The following PMPCB variants were observed in gnomAD, a reference collection of about 807,000 sequenced individuals.
PMPCB encodes the protein peptidase, mitochondrial processing subunit beta.
In PMPCB, 46 loss-of-function variants were observed where a neutral mutation model predicts 61.5. That is an observed-to-expected ratio of 0.75 (90% confidence interval 0.59 to 0.96). PMPCB has a LOEUF of 0.96. Ranked by LOEUF, PMPCB falls within the 40% of genes least tolerant of loss-of-function variation. The pLI is 0.00. For missense variants in PMPCB, 590 were observed against 602.4 expected, an observed-to-expected ratio of 0.98 and a Z score of 0.22; for synonymous variants, 191 against 201.6, an observed-to-expected ratio of 0.95 and a Z score of 0.44.
chr7:103,306,797 C>A (rs1817605127), intron 6 of PMPCB, among the ~76,000 whole-genome samples: 1 of 152,004 alleles, frequency 6.6e-6, no homozygotes, highest in Non-Finnish European at 1.5e-5. Context: ...GCTCTGTCAC[C>A]CAAGTTGGAG....
intron 1 of PMPCB, chr7:103,297,923 T>G: frequency 7.8e-7 from 1 of 1,275,866 alleles, no homozygotes; most frequent in Non-Finnish European, 1.0e-6. Flanking sequence ...CGTCCTCAGC[T>G]GGGCTTCCCG....
chr7:103,302,088 A>C (rs927302129), intron 4 of PMPCB, among the ~76,000 whole-genome samples: 9 of 152,180 alleles, frequency 5.9e-5, no homozygotes, highest in Admixed American at 3.3e-4. Context: ...GCTCAGAATG[A>C]TGGTTTCCAG....
In PMPCB at chr7:103,307,639, C is replaced by T. The variant is rs753165205; in HGVS notation, c.780C>T (p.Phe260=). The T allele has an allele frequency of 1.1e-5, 18 of 1,613,460 alleles. No individual in the cohort carries two copies. The highest frequency in any genetic ancestry group is 1.7e-4 in the Middle Eastern group (1 of 6,060). Residue 260 remains phenylalanine (F), a synonymous_variant, in exon 7 of 13, where the codon TTC becomes TTT. Transcript: ENST00000249269. The stretch of plus-strand genomic sequence containing the variant: ...TGCTTGACTTAGCAAAGTTTCATTT[C>T]GGTGACTCTTTATGCACACACAAAG... ...DELLDLAKFH[F]GDSLCTHKGE...
chr7:103,332,055 A>G (rs1818996893), downstream of PMPCB, among the ~76,000 whole-genome samples: 1 of 148,656 alleles, frequency 6.7e-6, no homozygotes, highest in Non-Finnish European at 1.5e-5. Flanking sequence ...CCCAGGTTGG[A>G]GTGCAGTGGT....
rs1157474209 is a variant in PMPCB, at chr7:103,312,943, C to T, written c.*672C>T. 2 of 1,605,290 alleles carry T rather than the reference C, an allele frequency of 1.2e-6. No homozygotes were observed. Among genetic ancestry groups the T allele is most frequent in the Admixed American group, 1.7e-5 (1 of 57,178 alleles). On this transcript the variant is annotated 3_prime_UTR_variant, in exon 13 of 13. Transcript: ENST00000249269. ...AACAATCTATAAACGCTTAAGTCTG[C>T]AACCTTGTATCGTTTCATGCAGTCC...
At position 103,298,548 on chromosome 7, in the gene PMPCB, C is replaced by T; in HGVS notation, c.100-20C>T. The stretch of plus-strand genomic sequence containing the variant: ...GTAATGTGTTTTGCTTTGTCTCTTC[C>T]ACTTCCTACCCCCAACCAGTCATTA... On this transcript the variant is annotated intron_variant, in intron 1 of 12. Coordinates refer to ENST00000249269, the MANE Select transcript of PMPCB (RefSeq NM_004279.3). 1.9e-6 allele frequency: 3 copies of T among 1,611,100 alleles called. No individual in the cohort carries two copies. Among genetic ancestry groups the T allele is most frequent in the Non-Finnish European group, 2.5e-6 (3 of 1,178,438 alleles).
At position 103,312,937 on chromosome 7, in the gene PMPCB, A is replaced by T; in HGVS notation, c.*666A>T. 2.5e-6 allele frequency: 4 copies of T among 1,602,754 alleles called. No homozygotes were observed. Among genetic ancestry groups the T allele is most frequent in the Non-Finnish European group, 3.4e-6 (4 of 1,177,274 alleles). On this transcript the variant is annotated 3_prime_UTR_variant, in exon 13 of 13. Transcript: ENST00000249269. ...AAATACAACAATCTATAAACGCTTAAGTCTGCAACCTTGTATCGTTTCATG... is the reference window on the plus strand; with the variant it reads ...AAATACAACAATCTATAAACGCTTATGTCTGCAACCTTGTATCGTTTCATG...
At chr7:103,327,316 TA>T in intron 12 of PMPCB, 1 of 1,260,390 alleles carries the variant, frequency 7.9e-7, no homozygotes, top group Non-Finnish European at 1.0e-6. Context: ...TTCTCATCAT[TA>T]AATAGAACAC....
At chr7:103,318,991 C>T (rs1443152893), downstream of PMPCB, among the ~76,000 whole-genome samples, 2 of 152,000 alleles carry the variant, frequency 1.3e-5, no homozygotes, top group Admixed American at 1.3e-4. Context: ...GCGGACGGAT[C>T]ACTTGAGGTA....
At chr7:103,344,667 G>A in the PMPCB span, 5 of 1,593,206 alleles carry the variant, frequency 3.1e-6, no homozygotes, top group South Asian at 4.4e-5. Context: ...CTCACGTCCC[G>A]GGCGGAGGGC....
At chr7:103,328,704 C>T (rs1023904275) in intron 12 of PMPCB, among the ~76,000 whole-genome samples, 1 of 152,160 alleles carries the variant, frequency 6.6e-6, no homozygotes, top group Non-Finnish European at 1.5e-5. Context: ...TCTTCAGCTT[C>T]ACATTATAGC....
downstream of PMPCB, among the ~76,000 whole-genome samples, chr7:103,331,496 C>G (rs1818969392): frequency 6.6e-6 from 1 of 152,174 alleles, no homozygotes; most frequent in African/African-American, 2.4e-5. Flanking sequence ...ACCAACCTCT[C>G]TTTATCCCTC....
intron 4 of PMPCB, 44 bp from the exon 5 acceptor site, chr7:103,303,798 G>A: frequency 7.1e-7 from 1 of 1,409,058 alleles, no homozygotes. Flanking sequence ...AATAGTGAAA[G>A]TTAAGATTGC....
chr7:103,316,824 C>T (rs762006007), downstream of PMPCB: 1 of 1,611,920 alleles, frequency 6.2e-7, no homozygotes, highest in East Asian at 2.2e-5. Context: ...TCATTAAAAC[C>T]AGTACCTTGA....
intron 8 of PMPCB, 47 bp downstream of exon 8, chr7:103,309,142 A>G (rs1023755904): frequency 1.4e-6 from 2 of 1,457,892 alleles, no homozygotes; most frequent in East Asian, 2.4e-5. Flanking sequence ...GAAGATTATC[A>G]TGTTTTCTTA....
At chr7:103,316,753 T>C, downstream of PMPCB, 5 of 1,179,974 alleles carry the variant, frequency 4.2e-6, no homozygotes, top group Non-Finnish European at 6.1e-6. Flanking sequence ...TGATAACAAG[T>C]GCTGCTATTT....
At chr7:103,298,238 T>A (rs1204478414) in intron 1 of PMPCB, among the ~76,000 whole-genome samples, 1 of 152,174 alleles carries the variant, frequency 6.6e-6, no homozygotes, top group East Asian at 1.9e-4. Flanking sequence ...CCTCTCTTTT[T>A]TTTTTTCCTG....
At chr7:103,327,136 G>A (rs918117966) in intron 12 of PMPCB, among the ~76,000 whole-genome samples, 14 of 152,098 alleles carry the variant, frequency 9.2e-5, no homozygotes, top group African/African-American at 3.1e-4. Flanking sequence ...TAGAAATGGT[G>A]GTAACCTACA....
Position 103,312,610 on chromosome 7 carries a change from CA to C in PMPCB, c.*340del, listed in dbSNP as rs1263901916. 6.2e-7 allele frequency: 1 copy of C among 1,613,690 alleles called. No individual in the cohort carries two copies. Among genetic ancestry groups the C allele is most frequent in the Non-Finnish European group, 8.5e-7 (1 of 1,179,836 alleles). ...CTTGCATTCAGCACTTGTTCTTGAG[CA>C]GCTTTCTTTGCTTTTACCATCTCGA... On this transcript the variant is annotated 3_prime_UTR_variant, in exon 13 of 13. Transcript: ENST00000249269.
Sources: allele counts gnomAD v4.1 joint callset (sites outside exome capture counted in the v4.1 genomes callset), GRCh38; gene constraint gnomAD v4.1.1; transcripts MANE v1.5; gene names NCBI Gene and HGNC (gene_info 2026-07-23, HGNC 2026-07-21).